Variants in MB21D2 observed in about 807,000 individuals in gnomAD.
MB21D2 encodes the protein Mab-21 domain containing 2.
A neutral mutation model predicts 33.3 loss-of-function variants in MB21D2; 9 were observed. That is an observed-to-expected ratio of 0.27 (90% CI 0.16 to 0.47). The LOEUF (loss-of-function observed/expected upper bound fraction) is 0.47, where lower values mean the gene tolerates loss of function less well. MB21D2 is among the 20% of genes least tolerant of loss of function. The pLI is 0.99. For synonymous variants in MB21D2, 241 were observed against 236.3 expected (o/e 1.02, Z -0.18); for missense variants, 540 against 624.6 (o/e 0.86, Z 1.44).
intron 1 of MB21D2, among the ~76,000 whole-genome samples, chr3:192,817,908 C>G (rs1177225722): frequency 6.7e-6 from 1 of 150,262 alleles, no homozygotes; most frequent in Admixed American, 6.7e-5. Flanking sequence ...ATTTTCGTCC[C>G]TGTCTTAACT....
intron 1 of MB21D2, among the ~76,000 whole-genome samples, chr3:192,828,195 C>T (rs935481715): frequency 1.3e-5 from 2 of 151,952 alleles, no homozygotes; most frequent in African/African-American, 2.4e-5. Flanking sequence ...TGGACTAATA[C>T]GACGTTCTTT....
rs140950722 is a variant in MB21D2, at chr3:192,850,308, C to G, written c.212-50658G>C. On this transcript the variant is annotated intron_variant, in intron 1 of 1. Coordinates refer to ENST00000392452, the MANE Select transcript of MB21D2 (RefSeq NM_178496.4). ...ACAGACTCTACACTGAAGGAAAGAA[C>G]CTGGGTGATAGCTCCTAGTAGAATC... 4.3e-3 allele frequency among the ~76,000 whole-genome samples: 651 copies of G among 152,272 alleles called. 5 individuals are homozygous for G. The highest frequency in any genetic ancestry group is 0.014 in the African/African-American group (600 of 41,560).
chr3:192,806,494 C>T (rs1711663565), intron 1 of MB21D2, among the ~76,000 whole-genome samples: 1 of 152,154 alleles, frequency 6.6e-6, no homozygotes, highest in African/African-American at 2.4e-5. Flanking sequence ...AAGGGTCAAC[C>T]GTGAAGCATC....
chr3:192,878,434 A>G lies in MB21D2; in HGVS notation c.211+39196T>C, dbSNP rs150466859. On this transcript the variant is annotated intron_variant, in intron 1 of 1. Coordinates refer to ENST00000392452, the MANE Select transcript of MB21D2 (RefSeq NM_178496.4). ...TAAAAAGCTTAGCAATTTCTATGGT[A>G]TTAGGTTTTTGCCTATTACTTTCAA... is the stretch of plus-strand genomic sequence containing the variant. Among the ~76,000 whole-genome samples the G allele has an allele frequency of 9.7e-3, 1,480 of 152,320 alleles. 12 individuals carry two copies. The highest frequency in any genetic ancestry group is 0.014 in the Admixed American group (212 of 15,308).
intron 1 of MB21D2, among the ~76,000 whole-genome samples, chr3:192,815,650 CG>C (rs902098023): frequency 1.3e-5 from 2 of 152,078 alleles, no homozygotes; most frequent in Non-Finnish European, 2.9e-5. Context: ...ACAACTTTGG[CG>C]GGCTTTTGGA....
intron 1 of MB21D2, among the ~76,000 whole-genome samples, chr3:192,850,214 G>A (rs904199378): frequency 1.3e-5 from 2 of 152,096 alleles, no homozygotes; most frequent in East Asian, 1.9e-4. Context: ...CACCGCGCCC[G>A]GCCCATAGAA....
At chr3:192,828,619 T>TCC (rs1712238969) in intron 1 of MB21D2, among the ~76,000 whole-genome samples, 2 of 16,358 alleles carry the variant, frequency 1.2e-4, no homozygotes, top group African/African-American at 8.8e-4. Flanking sequence ...TATATATATA[T>TCC]ATATATATAT....
intron 1 of MB21D2, among the ~76,000 whole-genome samples, chr3:192,857,539 T>G (rs1712944027): frequency 6.6e-6 from 1 of 152,162 alleles, no homozygotes; most frequent in Non-Finnish European, 1.5e-5. Flanking sequence ...TCTATCCCTT[T>G]CAGCGTGCGC....
intron 1 of MB21D2, among the ~76,000 whole-genome samples, chr3:192,852,212 A>C (rs913457479): frequency 3.3e-5 from 5 of 152,170 alleles, no homozygotes; most frequent in African/African-American, 9.7e-5. Flanking sequence ...ACTCAGAGAC[A>C]CCACTCAGCA....
At chr3:192,908,400 T>TA (rs1491327679) in intron 1 of MB21D2, among the ~76,000 whole-genome samples, 1 of 114,716 alleles carries the variant, frequency 8.7e-6, no homozygotes, top group East Asian at 2.3e-4. Flanking sequence ...AATTTTCTTC[T>TA]TTTTTTTTTT....
At position 192,905,656 on chromosome 3, in the gene MB21D2, A is replaced by AAAAAG. The variant is rs1286701068; in HGVS notation, c.211+11969_211+11973dup. Among the ~76,000 whole-genome samples, 13 of 116,386 alleles carry AAAAAG rather than the reference A, an allele frequency of 1.1e-4. No individual in the cohort carries two copies. In the East Asian group the frequency reaches 2.9e-3, roughly 26 times the overall value. 76.4% of individuals were successfully genotyped at this position (116,386 alleles called of 152,430 possible). On this transcript the variant is annotated intron_variant, in intron 1 of 1. Transcript: ENST00000392452. ...GTCTCAAAAAAAAAAAAAAAAAAAG[A>AAAAAG]AAAAGAAAAGAAAAGAAAAGAAAAA...
At chr3:192,859,477 C>A (rs1393281035) in intron 1 of MB21D2, among the ~76,000 whole-genome samples, 1 of 152,072 alleles carries the variant, frequency 6.6e-6, no homozygotes, top group East Asian at 1.9e-4. Context: ...TCCAGTAAGA[C>A]CTCCCTCTTG....
At chr3:192,859,275 C>A (rs977894568) in intron 1 of MB21D2, among the ~76,000 whole-genome samples, 1 of 152,182 alleles carries the variant, frequency 6.6e-6, no homozygotes, top group Non-Finnish European at 1.5e-5. Context: ...CTAGACGGCA[C>A]TAGAAGAGAG....
intron 1 of MB21D2, among the ~76,000 whole-genome samples, chr3:192,817,509 C>A (rs1025014900): frequency 2.0e-5 from 3 of 152,190 alleles, no homozygotes; most frequent in African/African-American, 7.2e-5. Context: ...TTAATATAAT[C>A]TTTTACAGGA....
At chr3:192,868,470 C>A (rs1314819309) in intron 1 of MB21D2, among the ~76,000 whole-genome samples, 1 of 152,034 alleles carries the variant, frequency 6.6e-6, no homozygotes, top group Non-Finnish European at 1.5e-5. Context: ...TTTTCACTGA[C>A]AGTTAATAAA....
intron 1 of MB21D2, among the ~76,000 whole-genome samples, chr3:192,849,344 G>T (rs1479528588): frequency 1.4e-5 from 2 of 148,064 alleles, no homozygotes; most frequent in Admixed American, 6.7e-5. Flanking sequence ...TGGGGGTGGA[G>T]TCTCGCTCTG....
chr3:192,820,747 C>G (rs1420991712), intron 1 of MB21D2, among the ~76,000 whole-genome samples: 1 of 152,194 alleles, frequency 6.6e-6, no homozygotes, highest in Non-Finnish European at 1.5e-5. Context: ...AACTCGCGCT[C>G]CACCCTGTTT....
chr3:192,858,333 C>A (rs149809143), intron 1 of MB21D2, among the ~76,000 whole-genome samples: 258 of 152,292 alleles, frequency 1.7e-3, no homozygotes, highest in Middle Eastern at 0.01. Flanking sequence ...GGGCTCCCAA[C>A]CCCATGTCAC....
At chr3:192,877,058 G>C (rs1713447421) in intron 1 of MB21D2, among the ~76,000 whole-genome samples, 1 of 152,148 alleles carries the variant, frequency 6.6e-6, no homozygotes. Context: ...TGAAAGAGAA[G>C]GAGAGAAACA....
Sources: allele counts gnomAD v4.1 joint callset (sites outside exome capture counted in the v4.1 genomes callset), GRCh38; gene constraint gnomAD v4.1.1; transcripts MANE v1.5; gene names NCBI Gene and HGNC (gene_info 2026-07-23, HGNC 2026-07-21).